Variants in FAM110C observed in about 807,000 individuals in gnomAD.
FAM110C encodes the protein protein FAM110C.
In FAM110C, 19 loss-of-function variants were observed where a neutral mutation model predicts 15.7. The observed-to-expected ratio is 1.21, with a 90% CI of 0.85 to 1.78. FAM110C has a LOEUF of 1.78. Among genes scored for constraint, FAM110C ranks in the 40% most tolerant of loss-of-function variants. The pLI is 0.00. For synonymous variants in FAM110C, 275 were observed against 233.9 expected (o/e 1.18, Z -1.61); for missense variants, 547 against 495.7 (o/e 1.10, Z -0.98).
At chr2:42,859 C>T (rs553163222) in intron 1 of FAM110C, 139 of 985,328 alleles carry the variant, frequency 1.4e-4, no homozygotes, top group Non-Finnish European at 1.6e-4. Context: ...TAAAATGAAT[C>T]CTTATAAATT....
In FAM110C at chr2:45,746, C is replaced by T; in HGVS notation, c.640G>A (p.Glu214Lys). 2.5e-6 allele frequency: 4 copies of T among 1,593,010 alleles called. No individual in the cohort carries two copies. Among genetic ancestry groups the T allele is most frequent in the Non-Finnish European group, 3.4e-6 (4 of 1,171,494 alleles). The change falls in exon 1 of 2, where the codon GAG (glutamate) becomes AAG (lysine). Residue 214 changes from glutamate (E) to lysine (K), a missense_variant. Transcript: ENST00000327669. ...LSSRYSAALA[E>K]SDTFFQYCGL... is the part of the protein sequence containing the mutation. ...CAGTACTGGAAGAAGGTGTCAGACTCGGCCAAGGCAGCGGAATAGCGGGAG... is the reference window on the plus strand; with the variant it reads ...CAGTACTGGAAGAAGGTGTCAGACTTGGCCAAGGCAGCGGAATAGCGGGAG...
chr2:44,521 G>A, intron 1 of FAM110C: 2 of 985,308 alleles, frequency 2.0e-6, no homozygotes, highest in Non-Finnish European at 2.4e-6. Flanking sequence ...GTCATTGAAG[G>A]GTAAGAGGAA....
intron 1 of FAM110C, chr2:44,589 C>A: frequency 4.1e-6 from 4 of 985,414 alleles, no homozygotes; most frequent in Non-Finnish European, 4.8e-6. Flanking sequence ...TGAAAAGGTT[C>A]TTTCTCTTCA....
In FAM110C at chr2:41,531, CAT is replaced by C. The variant is rs1402071531; in HGVS notation, c.*75_*76del. 2.0e-6 allele frequency: 3 copies of C among 1,533,988 alleles called. No homozygotes were observed. Among genetic ancestry groups the C allele is most frequent in the Non-Finnish European group, 2.7e-6 (3 of 1,120,544 alleles). ...GCTGCATTCCTGGTAAAACAGCAAT[CAT>C]GTGGTCACCTAGGCACACTAGCCAA... On this transcript the variant is annotated 3_prime_UTR_variant, in exon 2 of 2. Transcript: ENST00000327669.
chr2:43,630 G>A, intron 1 of FAM110C: 1 of 985,398 alleles, frequency 1.0e-6, no homozygotes, highest in South Asian at 4.7e-5. Flanking sequence ...TTCGAGATGG[G>A]AACCAGCCTG....
intron 1 of FAM110C, chr2:45,212 T>C (rs1268908406): frequency 1.0e-6 from 1 of 985,466 alleles, no homozygotes; most frequent in Non-Finnish European, 1.2e-6. Flanking sequence ...AGCAGACTCC[T>C]AAGGGCCTGG....
intron 1 of FAM110C, chr2:42,809 C>G (rs1664160203): frequency 2.0e-6 from 2 of 984,804 alleles, no homozygotes; most frequent in Admixed American, 6.1e-5. Flanking sequence ...GAAAACCTAC[C>G]TTTGTTCGTC....
intron 1 of FAM110C, 189 bp downstream of exon 1, chr2:45,251 T>C: frequency 1.0e-6 from 1 of 985,454 alleles, no homozygotes; most frequent in African/African-American, 1.7e-5. Context: ...TGGTACCTTC[T>C]GCTCTTCAGC....
At chr2:41,684 A>G (rs1482190655) in intron 1 of FAM110C, 57 bp from the exon 2 acceptor site, 1 of 1,609,018 alleles carries the variant, frequency 6.2e-7, no homozygotes, top group African/African-American at 1.3e-5. Context: ...AAGTTAGTAT[A>G]ATGAAAACTA....
Position 46,153 on chromosome 2 carries a change from G to A in FAM110C, c.233C>T (p.Pro78Leu), listed in dbSNP as rs1473492970. 2.1e-6 allele frequency: 3 copies of A among 1,421,492 alleles called. No homozygotes were observed. Among genetic ancestry groups the A allele is most frequent in the African/African-American group, 1.5e-5 (1 of 66,786 alleles). The allele number at this position is 1,421,492 out of a possible 1,614,324, so 88.1% of individuals were successfully genotyped here. Residue 78 changes from proline (P) to leucine (L), a missense_variant, in exon 1 of 2, where the codon CCG becomes CTG. Transcript: ENST00000327669. ...IKCPGNDPGP[P>L]ARAPAPVARR... Reference sequence around the variant, plus strand: ...CGCCACCGGGGCCGGGGCGCGGGCCGGGGGCCCAGGGTCGTTCCCCGGGCA... The same window carrying A: ...CGCCACCGGGGCCGGGGCGCGGGCCAGGGGCCCAGGGTCGTTCCCCGGGCA...
In FAM110C at chr2:45,446, T is replaced by G; in HGVS notation, c.940A>C (p.Thr314Pro). The stretch of plus-strand genomic sequence containing the variant: ...CAGCCTTCTGGGCACACACCTCGGG[T>G]CCGGCTCTGCTCCTGGCTGGGGGTC... Reference protein sequence around the residue: ...KETPSQEQSRTRGSKPSR With the variant: ...KETPSQEQSRPRGSKPSR Residue 314 changes from threonine to proline, a missense_variant, in exon 1 of 2, where the codon ACC (threonine) becomes CCC (proline). By Grantham distance (38) the Thr-to-Pro change is conservative. Transcript: ENST00000327669. 1 of 1,608,402 alleles carries G rather than the reference T, an allele frequency of 6.2e-7. No homozygotes were observed. Among genetic ancestry groups the G allele is most frequent in the Non-Finnish European group, 8.5e-7 (1 of 1,176,200 alleles).
In FAM110C at chr2:43,583, A is replaced by G. The variant is rs541225837; in HGVS notation, c.946+1857T>C. On this transcript the variant is annotated intron_variant, in intron 1 of 1. Transcript: ENST00000327669. ...TAGGATTTAGTCTATGAAGTCAACT[A>G]AATTCTCATTCAGGTCACTCTTTTG... 175 of 985,442 alleles carry G rather than the reference A, an allele frequency of 1.8e-4. No homozygotes were observed. In the Middle Eastern group the frequency reaches 4.7e-3, roughly 26 times the overall value. 61.0% of individuals were successfully genotyped at this position (985,442 alleles called of 1,614,324 possible). A position where few individuals can be genotyped will look rare whatever the true frequency, so the allele number is the denominator to read the frequency against.
intron 1 of FAM110C, chr2:45,166 T>G (rs1664239792): frequency 2.0e-6 from 2 of 985,328 alleles, no homozygotes; most frequent in African/African-American, 3.5e-5. Flanking sequence ...TGGGACATAT[T>G]AATTTGCAGA....
intron 1 of FAM110C, chr2:43,869 C>T (rs1572062487): frequency 2.0e-6 from 2 of 985,282 alleles, no homozygotes; most frequent in South Asian, 9.4e-5. Flanking sequence ...TTCAGTCATG[C>T]AACACAGATT....
At position 46,487 on chromosome 2, in the gene FAM110C, T is replaced by C; in HGVS notation, c.-102A>G. ...GGCCGGTTCCGAAGTCCGCGCCGGGTGGGGAACGGCGCCCCAGTGCCCAGC... is the reference window on the plus strand; with the variant it reads ...GGCCGGTTCCGAAGTCCGCGCCGGGCGGGGAACGGCGCCCCAGTGCCCAGC... On this transcript the variant is annotated 5_prime_UTR_variant, in exon 1 of 2. Transcript: ENST00000327669. The C allele has an allele frequency of 8.6e-6, 8 of 929,756 alleles. No homozygotes were observed. Among genetic ancestry groups the C allele is most frequent in the African/African-American group, 1.7e-5 (1 of 58,134 alleles). The allele number at this position is 929,756 out of a possible 1,614,324, so 57.6% of individuals were successfully genotyped here.
At chr2:44,344 A>C in intron 1 of FAM110C, 2 of 985,326 alleles carry the variant, frequency 2.0e-6, no homozygotes, top group Non-Finnish European at 2.4e-6. Context: ...TAGCCAGAGA[A>C]ATTATTGGAG....
chr2:46,295 G>A lies in FAM110C; in HGVS notation c.91C>T (p.Pro31Ser). The change falls in exon 1 of 2, where the codon CCG (proline) becomes TCG (serine). Residue 31 changes from proline (P) to serine (S), a missense_variant. Physicochemically the swap from Pro to Ser is moderately conservative, Grantham distance 74 (BLOSUM62 -1). Coordinates refer to ENST00000327669, the MANE Select transcript of FAM110C (RefSeq NM_001077710.3). ...CTCTCCACTGCGCTCCTGCGCGCCG[G>A]CCGCGCGGCGTCGGGGTCCCGGGTA... ...AATRDPDAAR[P>S]ARRSAVERLA... The A allele has an allele frequency of 7.4e-7, 1 of 1,343,452 alleles. No homozygotes were observed. The highest frequency in any genetic ancestry group is 3.7e-5 in the Admixed American group (1 of 26,754). 83.2% of individuals were successfully genotyped at this position (1,343,452 alleles called of 1,614,324 possible).
chr2:46,403 C>A lies in FAM110C; in HGVS notation c.-18G>T. On this transcript the variant is annotated 5_prime_UTR_variant, in exon 1 of 2. Coordinates refer to ENST00000327669, the MANE Select transcript of FAM110C (RefSeq NM_001077710.3). The stretch of plus-strand genomic sequence containing the variant: ...GCGCGCATCTTCGCGGGGAATGGAC[C>A]GACCGGGGTTCCGGGTCCAGCGGAG... The A allele has an allele frequency of 7.9e-7, 1 of 1,263,610 alleles. No homozygotes were observed. Among genetic ancestry groups the A allele is most frequent in the South Asian group, 2.9e-5 (1 of 34,906 alleles). 78.3% of individuals were successfully genotyped at this position (1,263,610 alleles called of 1,614,324 possible). A position where few individuals can be genotyped will look rare whatever the true frequency, so the allele number is the denominator to read the frequency against.
Position 46,333 on chromosome 2 carries a change from C to G in FAM110C, c.53G>C (p.Arg18Pro). The part of the protein sequence containing the change: ...SAPPNERLLP[R>P]DPAATRDPDA... ...GGGGTCCCGGGTAGCCGCGGGGTCC[C>G]GGGGAAGGAGCCGCTCGTTCGGGGG... Residue 18 changes from arginine to proline, a missense_variant, in exon 1 of 2, where the codon CGG becomes CCG. By Grantham distance (103) the Arg-to-Pro change is moderately radical. Coordinates refer to ENST00000327669, the MANE Select transcript of FAM110C (RefSeq NM_001077710.3). 2 of 1,317,822 alleles carry G rather than the reference C, an allele frequency of 1.5e-6. No homozygotes were observed. Among genetic ancestry groups the G allele is most frequent in the Admixed American group, 4.2e-5 (1 of 24,048 alleles). The allele number at this position is 1,317,822 out of a possible 1,614,324, so 81.6% of individuals were successfully genotyped here. A position where few individuals can be genotyped will look rare whatever the true frequency, so the allele number is the denominator to read the frequency against.
Sources: allele counts gnomAD v4.1 joint callset, GRCh38; gene constraint gnomAD v4.1.1; transcripts MANE v1.5; gene names NCBI Gene and HGNC (gene_info 2026-07-23, HGNC 2026-07-21).